The following ITFG2 variants were observed in gnomAD, a reference collection of about 807,000 sequenced individuals.
ITFG2 encodes KICSTOR complex protein ITFG2.
In ITFG2, 36 loss-of-function variants were observed where a neutral mutation model predicts 54.4. That is an observed-to-expected ratio of 0.66 (90% CI 0.51 to 0.87). The LOEUF (loss-of-function observed/expected upper bound fraction) is 0.87, where lower values mean the gene tolerates loss of function less well. Among genes scored for constraint, ITFG2 ranks in the 40% least tolerant of loss-of-function variants. The pLI, the probability that ITFG2 is intolerant of heterozygous loss-of-function variation, is 0.00. For synonymous variants in ITFG2, 211 were observed against 225.4 expected, an observed-to-expected ratio of 0.94 and a Z score of 0.57; for missense variants, 524 against 576.7, an observed-to-expected ratio of 0.91 and a Z score of 0.94.
chr12:2,848,877 GCACA>G (rs3056877), intron 2 of ITFG2, among the ~76,000 whole-genome samples: 8,176 of 140,308 alleles, frequency 0.058, 338 homozygotes, highest in South Asian at 0.15. Flanking sequence ...ACACACACAC[GCACA>G]CACACACACA....
rs116362754 is a variant in ITFG2 at position 2,852,984 on chromosome 12, A to G, written n.301-5028A>G. Among the ~76,000 whole-genome samples, 993 of 151,502 alleles carry G rather than the reference A, an allele frequency of 6.6e-3. 10 individuals carry two copies. The highest frequency in any genetic ancestry group is 0.022 in the African/African-American group (900 of 41,248). On this transcript the variant is annotated intron_variant and non_coding_transcript_variant, in intron 2 of 3. Transcript: ENST00000537710. ...CACTGCACTCTAGCATGGGCAACAG[A>G]GGAAGACTCTGCCTCAAAAAAAAAG...
downstream of ITFG2, chr12:2,827,787 C>T (rs2097976153): frequency 1.2e-6 from 2 of 1,605,158 alleles, no homozygotes; most frequent in African/African-American, 1.3e-5. The surrounding 1 kb of genome is among the most constrained non-coding windows in gnomAD (Gnocchi z 4.0). Context: ...GATCCGAGGA[C>T]ACTGGCACAG....
Position 2,818,183 on chromosome 12 carries a change from T to C in ITFG2, c.312T>C (p.Ser104=), listed in dbSNP as rs2097928371. ...DLTPAKVLDA[S]GHHETLIGEE... The stretch of plus-strand genomic sequence containing the variant: ...CACCTGCCAAGGTGTTGGATGCTTC[T>C]GGGCACCACGAGACACTAATCGGAG... The change falls in exon 4 of 12, where the codon TCT becomes TCC. Residue 104 remains serine (S), a synonymous_variant. Transcript: ENST00000228799. The C allele has an allele frequency of 6.2e-7, 1 of 1,614,174 alleles. No individual in the cohort carries two copies. Among genetic ancestry groups the C allele is most frequent in the Non-Finnish European group, 8.5e-7 (1 of 1,180,042 alleles).
At chr12:2,827,158 C>G, downstream of ITFG2, 1 of 1,613,028 alleles carries the variant, frequency 6.2e-7, no homozygotes, top group Non-Finnish European at 8.5e-7. The surrounding 1 kb of genome is among the most constrained non-coding windows in gnomAD (Gnocchi z 4.0). Context: ...CCACACGCCT[C>G]TTCTTCTAAG....
chr12:2,818,824 C>G (rs954682742), intron 4 of ITFG2, among the ~76,000 whole-genome samples: 3 of 152,126 alleles, frequency 2.0e-5, no homozygotes, highest in Admixed American at 6.5e-5. Flanking sequence ...TTGAGACCAG[C>G]CTGGCCCACA....
At chr12:2,852,703 C>T (rs989076413) in intron 2 of ITFG2, among the ~76,000 whole-genome samples, 3 of 152,190 alleles carry the variant, frequency 2.0e-5, no homozygotes, top group East Asian at 3.9e-4. Context: ...GATAGCCCAC[C>T]TGTAAAATGG....
intron 2 of ITFG2, among the ~76,000 whole-genome samples, chr12:2,843,328 T>A (rs2098045884): frequency 6.6e-6 from 1 of 152,204 alleles, no homozygotes; most frequent in East Asian, 1.9e-4. Context: ...CACACCTCCC[T>A]ACTGCCATCC....
upstream of ITFG2, among the ~76,000 whole-genome samples, chr12:2,832,407 A>ACTCCTCT (rs112717762): frequency 1.3e-5 from 2 of 150,292 alleles, no homozygotes; most frequent in African/African-American, 2.4e-5. Context: ...CCATGTCTTC[A>ACTCCTCT]CTCCTCTCTC....
downstream of ITFG2, chr12:2,828,362 C>G (rs142486594): frequency 1.1e-4 from 179 of 1,614,020 alleles, no homozygotes; most frequent in Non-Finnish European, 1.5e-4. Flanking sequence ...AGCAGAGATC[C>G]GATTGTATTG....
chr12:2,853,659 G>A (rs1003522671), intron 2 of ITFG2, among the ~76,000 whole-genome samples: 8 of 151,612 alleles, frequency 5.3e-5, no homozygotes, highest in Non-Finnish European at 1.0e-4. Flanking sequence ...CAACTCCCCA[G>A]TGCTTTGGTC....
downstream of ITFG2, chr12:2,827,244 A>G: frequency 6.2e-7 from 1 of 1,614,124 alleles, no homozygotes; most frequent in Non-Finnish European, 8.5e-7. This position sits in a 1 kb window ranked among gnomAD's most constrained non-coding sequence, Gnocchi z 4.0. Context: ...CAGGAAGGGT[A>G]GCTCTGAGAA....
upstream of ITFG2, among the ~76,000 whole-genome samples, chr12:2,833,188 G>A (rs1297000599): frequency 2.0e-5 from 3 of 151,988 alleles, no homozygotes; most frequent in African/African-American, 4.8e-5. Context: ...ATTAGAAGGC[G>A]GGACCTGCCA....
At chr12:2,837,182 A>C (rs759626986) in intron 1 of ITFG2, among the ~76,000 whole-genome samples, 1 of 152,148 alleles carries the variant, frequency 6.6e-6, no homozygotes, top group Non-Finnish European at 1.5e-5. Context: ...AAATGCAAAA[A>C]ATTAGCTGGG....
chr12:2,854,836 A>AG lies in ITFG2; in HGVS notation n.301-3173dup. On this transcript the variant is annotated intron_variant and non_coding_transcript_variant, in intron 2 of 3. Coordinates refer to the ITFG2 transcript ENST00000537710. The stretch of plus-strand genomic sequence containing the variant: ...CCGGTTAGAAACAGGAACCTGAGAG[A>AG]GGGAGGGGTCACCTGGGCAGGGCAG... 3 of 1,454,804 alleles carry AG rather than the reference A, an allele frequency of 2.1e-6. No individual in the cohort carries two copies. In the East Asian group the frequency reaches 7.5e-5, roughly 36 times the overall value. 90.1% of individuals were successfully genotyped at this position (1,454,804 alleles called of 1,614,324 possible). A position where few individuals can be genotyped will look rare whatever the true frequency, so the allele number is the denominator to read the frequency against.
At chr12:2,832,808 C>T (rs910862164), upstream of ITFG2, among the ~76,000 whole-genome samples, 1 of 150,258 alleles carries the variant, frequency 6.7e-6, no homozygotes, top group Non-Finnish European at 1.5e-5. Context: ...CTATGCACCT[C>T]TCCACCTGCC....
chr12:2,851,532 A>G (rs1418693336), intron 2 of ITFG2, among the ~76,000 whole-genome samples: 3 of 151,596 alleles, frequency 2.0e-5, no homozygotes, highest in African/African-American at 2.4e-5. Context: ...TAGTGGAGAC[A>G]GGGTTTCGCC....
At chr12:2,858,516 C>T in intron 3 of ITFG2, 1 of 798,882 alleles carries the variant, frequency 1.3e-6, no homozygotes, top group Non-Finnish European at 1.9e-6. Flanking sequence ...AATCAGGCAG[C>T]AGGGAGCTAT....
chr12:2,859,236 C>T lies in ITFG2; in HGVS notation n.621-298C>T, dbSNP rs201149076. On this transcript the variant is annotated intron_variant and non_coding_transcript_variant, in intron 3 of 3. Coordinates refer to the ITFG2 transcript ENST00000537710. ...TGCGGCCCAGCGGGAAGTACTGGGCCCCTCTGAGAAGAGCAGCTCCGGCTC... is the reference window on the plus strand; with the variant it reads ...TGCGGCCCAGCGGGAAGTACTGGGCTCCTCTGAGAAGAGCAGCTCCGGCTC... The T allele has an allele frequency of 2.6e-5, 42 of 1,613,626 alleles. No homozygotes were observed. Among genetic ancestry groups the T allele is most frequent in the Middle Eastern group, 3.3e-4 (2 of 6,062 alleles).
intron 1 of ITFG2, among the ~76,000 whole-genome samples, chr12:2,815,124 G>A (rs571760520): frequency 7.2e-5 from 11 of 152,142 alleles, no homozygotes; most frequent in Non-Finnish European, 1.3e-4. Flanking sequence ...GATTACAGGC[G>A]TGAGCCACCG....
Sources: allele counts gnomAD v4.1 joint callset (sites outside exome capture counted in the v4.1 genomes callset), GRCh38; gene constraint gnomAD v4.1.1; non-coding constraint Gnocchi (gnomAD v3.1); transcripts MANE v1.5; gene names NCBI Gene and HGNC (gene_info 2026-07-23, HGNC 2026-07-21).